The following FAR1 variants were observed in gnomAD, a reference collection of about 807,000 sequenced individuals.
FAR1 encodes male sterility domain-containing protein 2.
A neutral mutation model predicts 61.1 loss-of-function variants in FAR1; 22 were observed. The observed-to-expected ratio is 0.36, with a 90% CI of 0.26 to 0.51. FAR1 has a LOEUF of 0.51. Among genes scored for constraint, FAR1 ranks in the 20% least tolerant of loss-of-function variants. The pLI is 0.95. For synonymous variants in FAR1, 206 were observed against 209.7 expected, an observed-to-expected ratio of 0.98 and a Z score of 0.15; for missense variants, 359 against 626.9, an observed-to-expected ratio of 0.57 and a Z score of 4.56.
intron 11 of FAR1, among the ~76,000 whole-genome samples, chr11:13,728,377 C>G (rs960880232): frequency 4.6e-5 from 7 of 151,762 alleles, no homozygotes; most frequent in Admixed American, 1.3e-4. Context: ...AAAGTTTGCT[C>G]TATTTTGTCT....
rs1305256831 is a variant in FAR1 at position 13,730,109 on chromosome 11, A to AT, written c.*1336dup. 1 of 152,452 alleles carries AT rather than the reference A, an allele frequency of 6.6e-6. No homozygotes were observed. Among genetic ancestry groups the AT allele is most frequent in the East Asian group, 1.9e-4 (1 of 5,202 alleles). The allele number at this position is 152,452 out of a possible 1,614,324, so 9.4% of individuals were successfully genotyped here. A position where few individuals can be genotyped will look rare whatever the true frequency, so the allele number is the denominator to read the frequency against. On this transcript the variant is annotated 3_prime_UTR_variant, in exon 12 of 12. Transcript: ENST00000354817. ...CATTTGATTTAACAAATTGTTCAGC[A>AT]TAACACTTCTAATTAAGTTTATCAA...
intron 10 of FAR1, among the ~76,000 whole-genome samples, chr11:13,724,294 T>C (rs1848645623): frequency 6.6e-6 from 1 of 150,920 alleles, no homozygotes; most frequent in Non-Finnish European, 1.5e-5. Context: ...ACACCTGTAA[T>C]CCCAGCACTT....
chr11:13,718,061 G>A (rs555149929), intron 9 of FAR1, among the ~76,000 whole-genome samples: 7 of 152,274 alleles, frequency 4.6e-5, no homozygotes, highest in African/African-American at 1.7e-4. Context: ...GTTCCTATGG[G>A]ACAGCACTTT....
In FAR1 at chr11:13,706,465, T is replaced by A. The variant is rs558503200; in HGVS notation, c.366-1435T>A. ...ATTACTTTGCCATTTTTGTCACTAA[T>A]ATTGAGTATTTAAATCTTTTCGTTT... On this transcript the variant is annotated intron_variant, in intron 3 of 11. Transcript: ENST00000354817. Among the ~76,000 whole-genome samples the A allele has an allele frequency of 5.1e-3, 776 of 152,240 alleles. 10 individuals are homozygous for A. The highest frequency in any genetic ancestry group is 0.018 in the African/African-American group (735 of 41,562).
intron 1 of FAR1, among the ~76,000 whole-genome samples, chr11:13,686,116 A>C (rs750296086): frequency 1.8e-4 from 28 of 152,214 alleles, no homozygotes; most frequent in Non-Finnish European, 2.9e-4. Flanking sequence ...ATTTGGTTCC[A>C]ATTTCACCCT....
chr11:13,697,198 G>A (rs1256354113), intron 2 of FAR1, among the ~76,000 whole-genome samples: 2 of 152,114 alleles, frequency 1.3e-5, no homozygotes, highest in African/African-American at 4.8e-5. Context: ...GGTGGTTCAT[G>A]CCTATAATCC....
chr11:13,698,461 G>T (rs552623223), intron 2 of FAR1, among the ~76,000 whole-genome samples: 2 of 152,288 alleles, frequency 1.3e-5, no homozygotes, highest in South Asian at 2.1e-4. Context: ...GCAACGACAA[G>T]AGTGTCCTAA....
intron 1 of FAR1, among the ~76,000 whole-genome samples, chr11:13,684,388 G>A (rs1848163630): frequency 6.6e-6 from 1 of 152,182 alleles, no homozygotes; most frequent in African/African-American, 2.4e-5. Context: ...GGACCATACT[G>A]AGAATCATTA....
intron 10 of FAR1, among the ~76,000 whole-genome samples, chr11:13,726,211 A>AT (rs1407816215): frequency 6.6e-6 from 1 of 152,072 alleles, no homozygotes; most frequent in African/African-American, 2.4e-5. Context: ...ACAAGCCAGT[A>AT]TTTTTATTGC....
chr11:13,687,344 A>G (rs1848198454), intron 1 of FAR1, among the ~76,000 whole-genome samples: 1 of 152,254 alleles, frequency 6.6e-6, no homozygotes, highest in Non-Finnish European at 1.5e-5. Context: ...AATGTAAATT[A>G]CCTTTCACAG....
rs529308923 is a variant in FAR1 at position 13,700,018 on chromosome 11, A to T, written c.190-299A>T. 2.0e-5 allele frequency among the ~76,000 whole-genome samples: 3 copies of T among 152,302 alleles called. No homozygotes were observed. The East Asian group carries it at 5.8e-4, about 29-fold the overall frequency. On this transcript the variant is annotated intron_variant, in intron 2 of 11. Transcript: ENST00000354817. ...TCTATTCTGAGGGGTGATACAATCTAATCAGCCAAGGCATGGACAGTTCAA... is the reference window on the plus strand; with the variant it reads ...TCTATTCTGAGGGGTGATACAATCTTATCAGCCAAGGCATGGACAGTTCAA...
At chr11:13,717,681 T>G (rs1042042844) in intron 9 of FAR1, among the ~76,000 whole-genome samples, 1 of 152,186 alleles carries the variant, frequency 6.6e-6, no homozygotes, top group African/African-American at 2.4e-5. Context: ...TAAGGCCATA[T>G]AGTAAATATT....
At chr11:13,698,039 G>C (rs1240792631) in intron 2 of FAR1, among the ~76,000 whole-genome samples, 1 of 152,102 alleles carries the variant, frequency 6.6e-6, no homozygotes, top group East Asian at 1.9e-4. Flanking sequence ...GTTACTACCT[G>C]TATGTGGTTA....
chr11:13,727,955 A>G (rs567221757), intron 11 of FAR1, among the ~76,000 whole-genome samples: 10 of 152,024 alleles, frequency 6.6e-5, no homozygotes, highest in Non-Finnish European at 1.5e-4. Context: ...TAGGAAAGTT[A>G]TATTTGCCTA....
chr11:13,691,152 G>C (rs1468753387), intron 1 of FAR1, among the ~76,000 whole-genome samples: 1 of 152,176 alleles, frequency 6.6e-6, no homozygotes, highest in African/African-American at 2.4e-5. Context: ...GCTGCTCCCT[G>C]CTTCTAAGAT....
At chr11:13,686,893 A>G (rs1387726666) in intron 1 of FAR1, among the ~76,000 whole-genome samples, 1 of 152,168 alleles carries the variant, frequency 6.6e-6, no homozygotes, top group Non-Finnish European at 1.5e-5. Context: ...GTTACCTTAG[A>G]AGTTCTCTGT....
At chr11:13,710,597 CA>C (rs1478408793) in intron 4 of FAR1, 95 bp from the exon 5 acceptor site, 12 of 1,040,576 alleles carry the variant, frequency 1.2e-5, no homozygotes. Flanking sequence ...TGAGTCAGAA[CA>C]GCAGATATGT....
intron 1 of FAR1, among the ~76,000 whole-genome samples, chr11:13,681,962 G>A (rs2134170913): frequency 6.6e-6 from 1 of 152,206 alleles, no homozygotes; most frequent in Admixed American, 6.5e-5. Context: ...GTTTGTGACA[G>A]GATTATGTTA....
At chr11:13,705,648 G>T (rs1051757329) in intron 3 of FAR1, among the ~76,000 whole-genome samples, 1 of 151,710 alleles carries the variant, frequency 6.6e-6, no homozygotes, top group Non-Finnish European at 1.5e-5. Flanking sequence ...ATTTTCACTT[G>T]AACAGATTTT....
Sources: gnomAD v4.1 joint callset for allele counts (sites outside exome capture counted in the v4.1 genomes callset) on GRCh38, gnomAD v4.1.1 for gene constraint, MANE v1.5 for transcripts, NCBI Gene and HGNC (gene_info 2026-07-23, HGNC 2026-07-21) for gene names.